Variants in FBXO45 observed in about 807,000 individuals in gnomAD.
The protein encoded by FBXO45 is F-box protein 45, also known as F-box/SPRY domain-containing protein 1.
A neutral mutation model predicts 25.5 loss-of-function variants in FBXO45; 3 were observed. The ratio of observed to expected loss-of-function variants is 0.12; its 90% CI spans 0.05 to 0.30. The LOEUF (loss-of-function observed/expected upper bound fraction) is 0.30, where lower values mean the gene tolerates loss of function less well. FBXO45 is among the 10% of genes least tolerant of loss of function. FBXO45 has a pLI of 1.00. For synonymous variants in FBXO45, 155 were observed against 149.8 expected (o/e 1.03, Z -0.25); for missense variants, 219 against 365.0 (o/e 0.60, Z 3.26).
intron 2 of FBXO45, among the ~76,000 whole-genome samples, chr3:196,579,873 A>G (rs1288191108): frequency 2.6e-5 from 4 of 152,114 alleles, no homozygotes; most frequent in South Asian, 2.1e-4. Flanking sequence ...TTATTCTTTT[A>G]TTATGAAATG....
At chr3:196,571,162 TTTTA>T (rs1005444255) in intron 1 of FBXO45, among the ~76,000 whole-genome samples, 4 of 152,226 alleles carry the variant, frequency 2.6e-5, no homozygotes, top group Non-Finnish European at 5.9e-5. Context: ...GTTTCATAAA[TTTTA>T]TTTAGTTTTT....
In FBXO45 at chr3:196,577,820, G is replaced by A. The variant is rs1464296947; in HGVS notation, c.675+11G>A. ...GCACCAAAATATCAGGTGAGAAACT[G>A]GGGTTTTTCTCAAGTATGGGCCTTT... On this transcript the variant is annotated intron_variant, in intron 2 of 2. Transcript: ENST00000311630. 1 of 1,542,754 alleles carries A rather than the reference G, an allele frequency of 6.5e-7. No homozygotes were observed. Among genetic ancestry groups the A allele is most frequent in the Non-Finnish European group, 8.8e-7 (1 of 1,130,534 alleles).
At position 196,577,737 on chromosome 3, in the gene FBXO45, G is replaced by C. The variant is rs537177444; in HGVS notation, c.603G>C (p.Val201=). 1 of 1,613,890 alleles carries C rather than the reference G, an allele frequency of 6.2e-7. No homozygotes were observed. The highest frequency in any genetic ancestry group is 1.3e-5 in the African/African-American group (1 of 75,038). The change falls in exon 2 of 3, where the codon GTG becomes GTC. Residue 201 remains valine (V), a synonymous_variant. Transcript: ENST00000311630. ...ACCAGAGCTGGGGCTGGAATCTGGT[G>C]GACAATAATCTACTACATAATGGAG... The part of the protein sequence containing the change: ...SDDQSWGWNL[V]DNNLLHNGEV...
rs773296756 is a variant in FBXO45, at chr3:196,587,337, C to A, written c.*3019C>A. 6.6e-6 allele frequency: 1 copy of A among 152,264 alleles called. No homozygotes were observed. The highest frequency in any genetic ancestry group is 2.1e-4 in the South Asian group (1 of 4,830). 9.4% of individuals were successfully genotyped at this position (152,264 alleles called of 1,614,324 possible). ...TTGCCATTATTTTCTCATTATTTGA[C>A]TTAAATGTTAAGCCATTTATTTCAT... On this transcript the variant is annotated 3_prime_UTR_variant, in exon 3 of 3. Coordinates refer to ENST00000311630, the MANE Select transcript of FBXO45 (RefSeq NM_001105573.2).
Position 196,582,447 on chromosome 3 carries a change from G to A in FBXO45, c.676-1686G>A, listed in dbSNP as rs553743503. Reference sequence around the variant, plus strand: ...TGAGGTGGGCAAAGGGAGGAAAAAAGCAGATGTTGGCAGTTACTGTTAACA... The same window carrying A: ...TGAGGTGGGCAAAGGGAGGAAAAAAACAGATGTTGGCAGTTACTGTTAACA... On this transcript the variant is annotated intron_variant, in intron 2 of 2. Coordinates refer to ENST00000311630, the MANE Select transcript of FBXO45 (RefSeq NM_001105573.2). 2.6e-5 allele frequency among the ~76,000 whole-genome samples: 4 copies of A among 152,302 alleles called. No homozygotes were observed. In the South Asian group the frequency reaches 6.2e-4, roughly 24 times the overall value.
Position 196,577,534 on chromosome 3 carries a change from C to G in FBXO45, c.400C>G (p.Arg134Gly). ...TAAGAAGAATGGCTTTACTTTACAT[C>G]GAAACCCCATTGCTCAGAGCACTGA... is the stretch of plus-strand genomic sequence containing the variant. ...YIKKNGFTLH[R>G]NPIAQSTDGA... The change falls in exon 2 of 3, where the codon CGA (arginine) becomes GGA (glycine). Residue 134 changes from arginine (R) to glycine (G), a missense_variant. By Grantham distance (125) the Arg-to-Gly change is moderately radical (BLOSUM62 -2). Transcript: ENST00000311630. 6.2e-7 allele frequency: 1 copy of G among 1,613,940 alleles called. No individual in the cohort carries two copies. The highest frequency in any genetic ancestry group is 8.5e-7 in the Non-Finnish European group (1 of 1,179,868).
Position 196,585,610 on chromosome 3 carries a change from A to G in FBXO45, c.*1292A>G, listed in dbSNP as rs573280035. On this transcript the variant is annotated 3_prime_UTR_variant, in exon 3 of 3. Transcript: ENST00000311630. ...ATATTTGAAGGTTTCGTTGTAGAAG[A>G]GTTTAACATTAACTCCTATTTTGAC... The G allele has an allele frequency of 6.6e-6, 1 of 152,320 alleles. No homozygotes were observed. The highest frequency in any genetic ancestry group is 1.5e-5 in the Non-Finnish European group (1 of 68,034). 9.4% of individuals were successfully genotyped at this position (152,320 alleles called of 1,614,324 possible). A position where few individuals can be genotyped will look rare whatever the true frequency, so the allele number is the denominator to read the frequency against.
At chr3:196,570,450 T>G (rs554922707) in intron 1 of FBXO45, among the ~76,000 whole-genome samples, 123 of 152,160 alleles carry the variant, frequency 8.1e-4, no homozygotes, top group Admixed American at 1.2e-3. Flanking sequence ...TTGGTTAGGC[T>G]GGCCTCGAAC....
Position 196,584,002 on chromosome 3 carries a change from T to C in FBXO45, c.676-131T>C, listed in dbSNP as rs1174178211. ...AGATGTTTCTTCCTGACTAGAAAGC[T>C]TCCCTTCTGATTTTTCTAGATAGCT... On this transcript the variant is annotated intron_variant, in intron 2 of 2. Transcript: ENST00000311630. The surrounding 1 kb of genome is among the most constrained non-coding windows in gnomAD (Gnocchi z 4.3). The C allele has an allele frequency of 4.1e-5, 35 of 848,482 alleles. No homozygotes were observed. In the East Asian group the frequency reaches 9.5e-4, roughly 23 times the overall value. 52.6% of individuals were successfully genotyped at this position (848,482 alleles called of 1,614,324 possible).
Position 196,585,401 on chromosome 3 carries a change from AT to A in FBXO45, c.*1087del, listed in dbSNP as rs1188009807. The A allele has an allele frequency of 3.9e-5, 6 of 152,204 alleles. No individual in the cohort carries two copies. Among genetic ancestry groups the A allele is most frequent in the African/African-American group, 1.4e-4 (6 of 41,468 alleles). The allele number at this position is 152,204 out of a possible 1,614,324, so 9.4% of individuals were successfully genotyped here. A position where few individuals can be genotyped will look rare whatever the true frequency, so the allele number is the denominator to read the frequency against. ...AAATGCTGTAGATATTATCAAAAAA[AT>A]TTTAATTTCATATTGTTTACATCAT... On this transcript the variant is annotated 3_prime_UTR_variant, in exon 3 of 3. Transcript: ENST00000311630.
In FBXO45 at chr3:196,568,809, CG is replaced by C; in HGVS notation, c.-172del. On this transcript the variant is annotated 5_prime_UTR_variant, in exon 1 of 3. Coordinates refer to ENST00000311630, the MANE Select transcript of FBXO45 (RefSeq NM_001105573.2). ...GCCGGTGCGTCTGCCCTCAGTGAGG[CG>C]GGGCGCGCGGCGGACGCCCCCGGGC... 1 of 258,176 alleles carries C rather than the reference CG, an allele frequency of 3.9e-6. No homozygotes were observed. Among genetic ancestry groups the C allele is most frequent in the Non-Finnish European group, 6.1e-6 (1 of 165,056 alleles). 16.0% of individuals were successfully genotyped at this position (258,176 alleles called of 1,614,324 possible).
Position 196,569,411 on chromosome 3 carries a change from C to T in FBXO45, c.318+109C>T. 1 of 1,067,190 alleles carries T rather than the reference C, an allele frequency of 9.4e-7. No individual in the cohort carries two copies. Among genetic ancestry groups the T allele is most frequent in the East Asian group, 2.7e-5 (1 of 36,790 alleles). The allele number at this position is 1,067,190 out of a possible 1,614,324, so 66.1% of individuals were successfully genotyped here. On this transcript the variant is annotated intron_variant, in intron 1 of 2. Transcript: ENST00000311630. The surrounding 1 kb of genome is among the most constrained non-coding windows in gnomAD (Gnocchi z 4.1). The stretch of plus-strand genomic sequence containing the variant: ...CAGAAGCTTCGCCTCACCAGCCCGC[C>T]TTTCCACGGCTCCAGTCAGTATCTT...
Position 196,569,105 on chromosome 3 carries a change from A to G in FBXO45, c.121A>G (p.Ser41Gly). 1.3e-6 allele frequency: 2 copies of G among 1,505,354 alleles called. No individual in the cohort carries two copies. The highest frequency in any genetic ancestry group is 8.9e-7 in the Non-Finnish European group (1 of 1,119,758). 93.2% of individuals were successfully genotyped at this position (1,505,354 alleles called of 1,614,324 possible). ...GAAGAGGRLP[S>G]RVLELVFSYL... ...CGCGGGGGCCGGGGGCCGGCTGCCC[A>G]GCCGGGTGCTGGAGTTGGTGTTCTC... is the stretch of plus-strand genomic sequence containing the variant. Residue 41 changes from serine to glycine, a missense_variant, in exon 1 of 3, where the codon AGC becomes GGC. This residue lies in a region of FBXO45 where 138 missense variants were observed against 157.3 expected (regional missense o/e 0.88). Transcript: ENST00000311630. The surrounding 1 kb of genome is among the most constrained non-coding windows in gnomAD (Gnocchi z 4.1).
At chr3:196,580,509 G>A (rs957415899) in intron 2 of FBXO45, among the ~76,000 whole-genome samples, 4 of 151,968 alleles carry the variant, frequency 2.6e-5, no homozygotes, top group Non-Finnish European at 4.4e-5. Flanking sequence ...CATGCCTGGC[G>A]AGACGGGGTT....
rs1347083023 is a variant in FBXO45, at chr3:196,586,089, A to G, written c.*1771A>G. On this transcript the variant is annotated 3_prime_UTR_variant, in exon 3 of 3. Coordinates refer to ENST00000311630, the MANE Select transcript of FBXO45 (RefSeq NM_001105573.2). ...CTTGTATTGAGTGAAATTATATGTT[A>G]AATGTATTAGAGAATGTAGGTGGTA... The G allele has an allele frequency of 1.3e-5, 2 of 152,202 alleles. No homozygotes were observed. The highest frequency in any genetic ancestry group is 4.8e-5 in the African/African-American group (2 of 41,446). The allele number at this position is 152,202 out of a possible 1,614,324, so 9.4% of individuals were successfully genotyped here.
chr3:196,588,977 GAATTTA>G lies in FBXO45; in HGVS notation c.*4664_*4669del, dbSNP rs1405194117. On this transcript the variant is annotated 3_prime_UTR_variant, in exon 3 of 3. Coordinates refer to ENST00000311630, the MANE Select transcript of FBXO45 (RefSeq NM_001105573.2). The surrounding 1 kb of genome is among the most constrained non-coding windows in gnomAD (Gnocchi z 4.2). ...AAACTCTGATTTTTATATTTGTTTA[GAATTTA>G]AATTAGAATTCTGTATCTTTATTTT... 1 of 152,096 alleles carries G rather than the reference GAATTTA, an allele frequency of 6.6e-6. No individual in the cohort carries two copies. The highest frequency in any genetic ancestry group is 1.5e-5 in the Non-Finnish European group (1 of 68,014). 9.4% of individuals were successfully genotyped at this position (152,096 alleles called of 1,614,324 possible).
Position 196,585,837 on chromosome 3 carries a change from T to C in FBXO45, c.*1519T>C, listed in dbSNP as rs939129807. The C allele has an allele frequency of 3.9e-5, 6 of 152,218 alleles. No homozygotes were observed. Among genetic ancestry groups the C allele is most frequent in the Non-Finnish European group, 8.8e-5 (6 of 68,038 alleles). The allele number at this position is 152,218 out of a possible 1,614,324, so 9.4% of individuals were successfully genotyped here. A position where few individuals can be genotyped will look rare whatever the true frequency, so the allele number is the denominator to read the frequency against. ...AGTTCTTGCTGTATGTATGTTTTGT[T>C]TTAAATCTGATTAGGGACACCCAGC... On this transcript the variant is annotated 3_prime_UTR_variant, in exon 3 of 3. Coordinates refer to ENST00000311630, the MANE Select transcript of FBXO45 (RefSeq NM_001105573.2).
At chr3:196,572,283 C>G (rs368397036) in intron 1 of FBXO45, among the ~76,000 whole-genome samples, 1 of 152,166 alleles carries the variant, frequency 6.6e-6, no homozygotes, top group Non-Finnish European at 1.5e-5. Flanking sequence ...GATGTCTTGC[C>G]TTATGGAGCT....
chr3:196,575,081 T>C (rs938475752), intron 1 of FBXO45, among the ~76,000 whole-genome samples: 4 of 152,114 alleles, frequency 2.6e-5, no homozygotes, highest in Non-Finnish European at 4.4e-5. Flanking sequence ...GAGAATTTGG[T>C]TGGGGCAGAG....
Sources: allele counts gnomAD v4.1 joint callset (sites outside exome capture counted in the v4.1 genomes callset), GRCh38; gene constraint gnomAD v4.1.1; regional missense constraint gnomAD v4.1.1; non-coding constraint Gnocchi (gnomAD v3.1); transcripts MANE v1.5; gene names NCBI Gene and HGNC (gene_info 2026-07-23, HGNC 2026-07-21).